SV2C: variants seen among roughly 807,000 people sequenced by gnomAD.
The protein encoded by SV2C is solute carrier family 22 member B3.
A neutral mutation model predicts 79.7 loss-of-function variants in SV2C; 49 were observed. The ratio of observed to expected loss-of-function variants is 0.61; its 90% CI spans 0.49 to 0.78. SV2C has a LOEUF of 0.78. SV2C is among the 30% of genes least tolerant of loss of function. The pLI is 0.00. For synonymous variants in SV2C, 334 were observed against 333.2 expected, an observed-to-expected ratio of 1.00 and a Z score of -0.03; for missense variants, 833 against 912.9, an observed-to-expected ratio of 0.91 and a Z score of 1.13.
the SV2C span, among the ~76,000 whole-genome samples, chr5:75,876,408 G>A: frequency 3.3e-5 from 5 of 151,998 alleles, no homozygotes; most frequent in South Asian, 1.0e-3. Context: ...ACAGATACTG[G>A]GTTCTCCTTG....
intron 4 of SV2C, among the ~76,000 whole-genome samples, chr5:76,229,217 T>C (rs10069533): frequency 0.2 from 30,004 of 152,250 alleles, 4,479 homozygotes; most frequent in African/African-American, 0.42. Context: ...ATCCTCACCC[T>C]GGTGCGGGAC....
chr5:76,268,463 G>T lies in SV2C; in HGVS notation c.914-16699G>T, dbSNP rs143679688. ...GTCTTGTGGAACCCAGTGTGGGCCC[G>T]TCCCGCTGCATGGCTGCAGCTTTAT... On this transcript the variant is annotated intron_variant, in intron 4 of 12. Transcript: ENST00000502798. Among the ~76,000 whole-genome samples the T allele has an allele frequency of 2.0e-5, 3 of 152,284 alleles. No homozygotes were observed. The East Asian group carries it at 5.8e-4, about 29-fold the overall frequency.
chr5:76,088,791 C>CT (rs77110048), intron 1 of SV2C, among the ~76,000 whole-genome samples: 30,287 of 151,794 alleles, frequency 0.2, 3,760 homozygotes, highest in South Asian at 0.39. Flanking sequence ...TTACAATTTC[C>CT]TTTTTTTTAA....
chr5:76,338,655 T>A (rs932724582), downstream of SV2C, among the ~76,000 whole-genome samples: 1 of 114,830 alleles, frequency 8.7e-6, no homozygotes. Context: ...TTCTTTTTCT[T>A]TTTCTTTTTT....
chr5:76,023,585 C>T, the SV2C span, among the ~76,000 whole-genome samples: 3 of 151,178 alleles, frequency 2.0e-5, no homozygotes, highest in Admixed American at 6.6e-5. Flanking sequence ...CCAAAGTAAG[C>T]AATGTTATCA....
At chr5:75,867,864 G>GA in the SV2C span, among the ~76,000 whole-genome samples, 1 of 152,186 alleles carries the variant, frequency 6.6e-6, no homozygotes, top group East Asian at 1.9e-4. Flanking sequence ...CATTTATTCA[G>GA]AAAATTTTAG....
intron 4 of SV2C, among the ~76,000 whole-genome samples, chr5:76,212,792 C>T (rs2112360541): frequency 6.6e-6 from 1 of 152,248 alleles, no homozygotes; most frequent in South Asian, 2.1e-4. Flanking sequence ...CTCTGCCTTT[C>T]ACACATCCCT....
chr5:75,868,056 T>A, the SV2C span, among the ~76,000 whole-genome samples: 2 of 152,146 alleles, frequency 1.3e-5, no homozygotes, highest in East Asian at 3.9e-4. Flanking sequence ...GTGAGGAACA[T>A]TTATGAAGGG....
chr5:76,270,058 A>G (rs947786801), intron 4 of SV2C, among the ~76,000 whole-genome samples: 8 of 152,122 alleles, frequency 5.3e-5, no homozygotes, highest in African/African-American at 1.9e-4. Flanking sequence ...CAAAGGAGAA[A>G]GGGGATGGGG....
intron 11 of SV2C, 74 bp from the exon 12 acceptor site, chr5:76,301,312 C>T (rs1287711780): frequency 1.3e-6 from 2 of 1,569,198 alleles, no homozygotes; most frequent in Non-Finnish European, 1.7e-6. Flanking sequence ...CTTGAGCAAT[C>T]CCAAGGACCC....
the SV2C span, among the ~76,000 whole-genome samples, chr5:75,867,441 C>T: frequency 6.6e-6 from 1 of 152,096 alleles, no homozygotes; most frequent in Admixed American, 6.5e-5. Flanking sequence ...TTAGACCACC[C>T]TGAGAGCGAA....
At chr5:75,906,697 G>A in the SV2C span, among the ~76,000 whole-genome samples, 2 of 152,134 alleles carry the variant, frequency 1.3e-5, no homozygotes, top group East Asian at 3.9e-4. Context: ...TCTTGTTGCA[G>A]ATGGCTTCTC....
At chr5:75,989,859 T>C in the SV2C span, among the ~76,000 whole-genome samples, 2 of 152,102 alleles carry the variant, frequency 1.3e-5, no homozygotes, top group Non-Finnish European at 2.9e-5. Context: ...CAATGTGGTT[T>C]TGATTTGCAT....
At chr5:76,048,466 T>C in the SV2C span, among the ~76,000 whole-genome samples, 8 of 152,242 alleles carry the variant, frequency 5.3e-5, 1 homozygote, top group South Asian at 1.7e-3. Flanking sequence ...ACTAATCTGT[T>C]CCAGAAACAC....
the SV2C span, among the ~76,000 whole-genome samples, chr5:76,019,426 G>T: frequency 6.6e-6 from 1 of 152,142 alleles, no homozygotes; most frequent in Non-Finnish European, 1.5e-5. Flanking sequence ...AAGAAAGACC[G>T]ATGGGGCAGC....
At chr5:76,019,510 G>C in the SV2C span, among the ~76,000 whole-genome samples, 1 of 152,146 alleles carries the variant, frequency 6.6e-6, no homozygotes, top group East Asian at 1.9e-4. Flanking sequence ...AACGTGATGA[G>C]GGTAAAAAGT....
At chr5:76,067,857 G>GGAAGAGAAA in the SV2C span, among the ~76,000 whole-genome samples, 9 of 151,920 alleles carry the variant, frequency 5.9e-5, no homozygotes, top group Admixed American at 1.3e-4. Flanking sequence ...TTTATAAATA[G>GGAAGAGAAA]TATCTTTTCC....
At chr5:76,121,841 T>G (rs1057151020) in intron 1 of SV2C, among the ~76,000 whole-genome samples, 28 of 151,906 alleles carry the variant, frequency 1.8e-4, no homozygotes, top group East Asian at 7.7e-4. Flanking sequence ...AGGATTGACT[T>G]GGCGATGCAG....
chr5:75,904,253 T>C, the SV2C span, among the ~76,000 whole-genome samples: 2 of 152,102 alleles, frequency 1.3e-5, no homozygotes, highest in Non-Finnish European at 2.9e-5. Flanking sequence ...GGTATTTTGT[T>C]TGCTGACAAC....
Sources: allele counts gnomAD v4.1 joint callset (sites outside exome capture counted in the v4.1 genomes callset), GRCh38; gene constraint gnomAD v4.1.1; transcripts MANE v1.5; gene names NCBI Gene and HGNC (gene_info 2026-07-23, HGNC 2026-07-21).